Variants in SLC36A1 observed in about 807,000 individuals in gnomAD.
The protein encoded by SLC36A1 is solute carrier family 36 member 1, also known as proton-coupled amino acid transporter 1.
A neutral mutation model predicts 47.5 loss-of-function variants in SLC36A1; 30 were observed. The ratio of observed to expected loss-of-function variants is 0.63; its 90% CI spans 0.47 to 0.86. SLC36A1 has a LOEUF of 0.86. Among genes scored for constraint, SLC36A1 ranks in the 40% least tolerant of loss-of-function variants. The probability of loss-of-function intolerance (pLI) is 0.00; values close to 1 mark genes in which losing one functional copy is unlikely to be tolerated. For synonymous variants in SLC36A1, 255 were observed against 249.7 expected (o/e 1.02, Z -0.20); for missense variants, 517 against 606.0 (o/e 0.85, Z 1.54).
chr5:151,532,071 C>T, the SLC36A1 span: 4 of 1,469,462 alleles, frequency 2.7e-6, no homozygotes, highest in African/African-American at 5.6e-5. Context: ...GAGGGGCTCC[C>T]ATGAAGGCGG....
At chr5:151,440,164 A>AC (rs1752541904) in intron 1 of SLC36A1, among the ~76,000 whole-genome samples, 1 of 152,130 alleles carries the variant, frequency 6.6e-6, no homozygotes, top group Non-Finnish European at 1.5e-5. Context: ...AGCATGCTTT[A>AC]CAGTGTAGCA....
At chr5:151,554,656 A>G in the SLC36A1 span, 1 of 1,613,444 alleles carries the variant, frequency 6.2e-7, no homozygotes, top group Non-Finnish European at 8.5e-7. Flanking sequence ...AGGGTTCCCC[A>G]TTGTCCAGCA....
In SLC36A1 at chr5:151,469,946, T is replaced by C. The variant is rs187126796; in HGVS notation, c.723+2021T>C. On this transcript the variant is annotated intron_variant, in intron 7 of 10. Coordinates refer to ENST00000243389, the MANE Select transcript of SLC36A1 (RefSeq NM_078483.4). Reference sequence around the variant, plus strand: ...AGTGGCTCATAAAAAGCAGGACTTCTTGTGCTAAGCAAATGACATTATCAA... The same window carrying C: ...AGTGGCTCATAAAAAGCAGGACTTCCTGTGCTAAGCAAATGACATTATCAA... Among the ~76,000 whole-genome samples, 415 of 152,332 alleles carry C rather than the reference T, an allele frequency of 2.7e-3. 3 individuals carry two copies. The highest frequency in any genetic ancestry group is 4.7e-3 in the Non-Finnish European group (322 of 68,018).
At chr5:151,523,283 T>C in the SLC36A1 span, among the ~76,000 whole-genome samples, 1 of 152,210 alleles carries the variant, frequency 6.6e-6, no homozygotes, top group Non-Finnish European at 1.5e-5. Context: ...ACCGATTATA[T>C]ATAATACATA....
At chr5:151,347,426 C>T in the SLC36A1 span, 1 of 1,614,044 alleles carries the variant, frequency 6.2e-7, no homozygotes, top group South Asian at 1.1e-5. Context: ...GGCAACGGCT[C>T]CCTGGGGACC....
chr5:151,436,870 C>T (rs1187531317), upstream of SLC36A1, among the ~76,000 whole-genome samples: 1 of 152,082 alleles, frequency 6.6e-6, no homozygotes, highest in Non-Finnish European at 1.5e-5. Context: ...CTGACGGGAC[C>T]TGCTAGTAAG....
At chr5:151,374,681 C>T in the SLC36A1 span, among the ~76,000 whole-genome samples, 1 of 152,164 alleles carries the variant, frequency 6.6e-6, no homozygotes, top group Admixed American at 6.5e-5. Flanking sequence ...TTTACATTCT[C>T]TAATGCAAAT....
At chr5:151,550,975 G>A in the SLC36A1 span, 1 of 953,524 alleles carries the variant, frequency 1.0e-6, no homozygotes, top group Non-Finnish European at 1.6e-6. Flanking sequence ...ACAGTGCCTG[G>A]CACTCAGCAA....
At chr5:151,500,398 C>T in the SLC36A1 span, among the ~76,000 whole-genome samples, 118 of 152,204 alleles carry the variant, frequency 7.8e-4, no homozygotes, top group Non-Finnish European at 1.3e-3. Flanking sequence ...GACGGAATCT[C>T]GTTCTGTCAC....
the SLC36A1 span, among the ~76,000 whole-genome samples, chr5:151,346,601 T>A: frequency 1.7e-4 from 26 of 152,204 alleles, no homozygotes; most frequent in African/African-American, 5.8e-4. Context: ...CAGAACCTCT[T>A]CACTACCACA....
the SLC36A1 span, among the ~76,000 whole-genome samples, chr5:151,552,590 A>G: frequency 9.4e-3 from 1,426 of 152,306 alleles, 19 homozygotes; most frequent in African/African-American, 0.033. Context: ...TGTGCACACA[A>G]CTTTCTGGGA....
chr5:151,426,620 A>T, the SLC36A1 span, among the ~76,000 whole-genome samples: 38 of 152,320 alleles, frequency 2.5e-4, no homozygotes, highest in Admixed American at 1.6e-3. Context: ...TTAAACACCG[A>T]GACATTCCAT....
the SLC36A1 span, among the ~76,000 whole-genome samples, chr5:151,394,170 T>C: frequency 6.6e-6 from 1 of 152,240 alleles, no homozygotes; most frequent in Admixed American, 6.5e-5. Context: ...CAGTCACTGA[T>C]ACCCTTTCTT....
the SLC36A1 span, chr5:151,550,461 A>T: frequency 9.3e-7 from 1 of 1,079,932 alleles, no homozygotes; most frequent in African/African-American, 1.6e-5. Context: ...CCAGCTGTGA[A>T]ATGTCACAAC....
At chr5:151,521,304 G>A in the SLC36A1 span, 2 of 1,611,656 alleles carry the variant, frequency 1.2e-6, no homozygotes, top group Non-Finnish European at 8.5e-7. Context: ...TCTGCAGGTG[G>A]TGCCGCGGGG....
the SLC36A1 span, among the ~76,000 whole-genome samples, chr5:151,386,377 T>C: frequency 6.6e-6 from 1 of 152,210 alleles, no homozygotes. Context: ...ATCCAGAGCT[T>C]TAACTACTTT....
the SLC36A1 span, among the ~76,000 whole-genome samples, chr5:151,550,085 G>A: frequency 6.6e-6 from 1 of 152,186 alleles, no homozygotes; most frequent in South Asian, 2.1e-4. Flanking sequence ...AATGGGCAGG[G>A]TCAGGGATAG....
chr5:151,525,217 A>G, the SLC36A1 span, among the ~76,000 whole-genome samples: 7 of 152,246 alleles, frequency 4.6e-5, no homozygotes, highest in Admixed American at 4.6e-4. Context: ...ATTTGGAGAA[A>G]TAAAGTGAGG....
chr5:151,356,644 C>G, the SLC36A1 span, among the ~76,000 whole-genome samples: 22 of 152,082 alleles, frequency 1.4e-4, no homozygotes, highest in African/African-American at 4.6e-4. Context: ...TCAAGTACCC[C>G]CCTCTCATCC....
Sources: gnomAD v4.1 joint callset for allele counts (sites outside exome capture counted in the v4.1 genomes callset) on GRCh38, gnomAD v4.1.1 for gene constraint, MANE v1.5 for transcripts, NCBI Gene and HGNC (gene_info 2026-07-23, HGNC 2026-07-21) for gene names.